The following BICDL1 variants were observed in gnomAD, a reference collection of about 807,000 sequenced individuals.
BICDL1 encodes the protein BICD family-like cargo adapter 1.
A neutral mutation model predicts 76.8 loss-of-function variants in BICDL1; 20 were observed. The observed-to-expected ratio is 0.26, with a 90% CI of 0.18 to 0.38. The LOEUF (loss-of-function observed/expected upper bound fraction) is 0.38. BICDL1 is among the 10% of genes least tolerant of loss of function. BICDL1 has a pLI of 1.00. For synonymous variants in BICDL1, 383 were observed against 337.1 expected (o/e 1.14, Z -1.49); for missense variants, 700 against 798.6 (o/e 0.88, Z 1.49).
chr12:120,032,745 ATTT>A (rs35727779), intron 2 of BICDL1, among the ~76,000 whole-genome samples: 3 of 124,474 alleles, frequency 2.4e-5, no homozygotes, highest in Non-Finnish European at 1.6e-5. Flanking sequence ...TACATCTATA[ATTT>A]TTTTTTTTTT....
At chr12:119,998,435 A>C in intron 1 of BICDL1, 86 bp from the exon 2 acceptor site, 1 of 1,244,744 alleles carries the variant, frequency 8.0e-7, no homozygotes, top group Non-Finnish European at 1.1e-6. Context: ...TGACTAGGAA[A>C]AAGAAAAGTT....
intron 4 of BICDL1, among the ~76,000 whole-genome samples, chr12:120,069,504 C>A (rs1872925630): frequency 6.6e-6 from 1 of 152,186 alleles, no homozygotes; most frequent in Non-Finnish European, 1.5e-5. Flanking sequence ...TCCAGTTCTG[C>A]TTCACAAGGG....
At chr12:120,083,364 C>G (rs992691713) in intron 8 of BICDL1, among the ~76,000 whole-genome samples, 1 of 151,510 alleles carries the variant, frequency 6.6e-6, no homozygotes, top group Non-Finnish European at 1.5e-5. Flanking sequence ...TGGAGCAATC[C>G]TCTCACCTCT....
chr12:120,032,886 A>G (rs1375003783), intron 2 of BICDL1, among the ~76,000 whole-genome samples: 1 of 151,460 alleles, frequency 6.6e-6, no homozygotes, highest in Non-Finnish European at 1.5e-5. Context: ...AGCTGGGACT[A>G]TAGGCGGGCA....
chr12:120,061,211 A>T (rs909162456), intron 2 of BICDL1, among the ~76,000 whole-genome samples: 10 of 152,226 alleles, frequency 6.6e-5, no homozygotes, highest in African/African-American at 2.4e-4. Flanking sequence ...GTGGCAAAAA[A>T]TCTTAACAGG....
chr12:120,031,243 G>A (rs1291863776), intron 2 of BICDL1, among the ~76,000 whole-genome samples: 37 of 136,516 alleles, frequency 2.7e-4, no homozygotes, highest in South Asian at 2.3e-3. Flanking sequence ...TTGCTCTGTC[G>A]CCCAGGCTGG....
intron 8 of BICDL1, among the ~76,000 whole-genome samples, chr12:120,086,082 GC>G (rs1349522888): frequency 6.6e-6 from 1 of 151,384 alleles, no homozygotes; most frequent in Admixed American, 6.6e-5. Context: ...GCATGCTCTT[GC>G]CTGCTTTCAA....
chr12:120,038,791 T>C (rs1258732796), intron 2 of BICDL1, among the ~76,000 whole-genome samples: 2 of 152,196 alleles, frequency 1.3e-5, no homozygotes, highest in Non-Finnish European at 2.9e-5. Context: ...TTCAGTTTCC[T>C]CATCTAAAGA....
intron 2 of BICDL1, among the ~76,000 whole-genome samples, chr12:120,048,231 A>G (rs1952785996): frequency 6.6e-6 from 1 of 151,562 alleles, no homozygotes; most frequent in African/African-American, 2.4e-5. Flanking sequence ...CTCAGGCTGG[A>G]GTACAGAAGC....
At chr12:119,998,840 G>A in intron 2 of BICDL1, 104 bp downstream of exon 2, 1 of 1,137,000 alleles carries the variant, frequency 8.8e-7, no homozygotes, top group South Asian at 1.5e-5. Flanking sequence ...AGGCCAAGGT[G>A]GGAGAAGCAC....
At chr12:120,044,659 A>G (rs1327199663) in intron 2 of BICDL1, among the ~76,000 whole-genome samples, 1 of 152,224 alleles carries the variant, frequency 6.6e-6, no homozygotes, top group Non-Finnish European at 1.5e-5. Context: ...TTTATTAAAT[A>G]GGGAATCCTT....
At chr12:120,018,246 C>G (rs1375832401) in intron 2 of BICDL1, among the ~76,000 whole-genome samples, 1 of 152,182 alleles carries the variant, frequency 6.6e-6, no homozygotes, top group African/African-American at 2.4e-5. Flanking sequence ...AATGTGTAGG[C>G]AAAGATGAGA....
In BICDL1 at chr12:120,061,690, G is replaced by T; in HGVS notation, c.646-20G>T. 6.5e-7 allele frequency: 1 copy of T among 1,542,670 alleles called. No individual in the cohort carries two copies. The highest frequency in any genetic ancestry group is 9.0e-7 in the Non-Finnish European group (1 of 1,114,680). On this transcript the variant is annotated intron_variant, in intron 2 of 9. Coordinates refer to ENST00000548673, the MANE Select transcript of BICDL1 (RefSeq NM_001367886.1). Reference sequence around the variant, plus strand: ...TTTGCATAACCTCCGAATCAGCTCTGCAGGTCTCCTCTGTTTCAGGCATCA... The same window carrying T: ...TTTGCATAACCTCCGAATCAGCTCTTCAGGTCTCCTCTGTTTCAGGCATCA...
chr12:120,071,513 AT>A lies in BICDL1; in HGVS notation c.910-104del. The A allele has an allele frequency of 6.5e-6, 9 of 1,386,144 alleles. No homozygotes were observed. Among genetic ancestry groups the A allele is most frequent in the Non-Finnish European group, 8.6e-6 (9 of 1,051,858 alleles). 85.9% of individuals were successfully genotyped at this position (1,386,144 alleles called of 1,614,324 possible). On this transcript the variant is annotated intron_variant, in intron 4 of 9. Coordinates refer to ENST00000548673, the MANE Select transcript of BICDL1 (RefSeq NM_001367886.1). This position sits in a 1 kb window ranked among gnomAD's most constrained non-coding sequence, Gnocchi z 4.8. ...TTTAACATGTTCTTCTCTCCTATTT[AT>A]TTTTCTATAAATTGGTGGTTGGATC...
chr12:120,055,186 A>G (rs1952948713), intron 2 of BICDL1, among the ~76,000 whole-genome samples: 1 of 152,246 alleles, frequency 6.6e-6, no homozygotes, highest in Non-Finnish European at 1.5e-5. Context: ...TTATTCAGGC[A>G]AAATATTAAA....
Position 120,021,936 on chromosome 12 carries a change from A to T in BICDL1, c.645+23200A>T, listed in dbSNP as rs192486221. ...AATAAAATAAAATAAAATAAATAAA[A>T]AAATAAAATAATAAAAATAAAATAA... is the stretch of plus-strand genomic sequence containing the variant. On this transcript the variant is annotated intron_variant, in intron 2 of 9. Coordinates refer to ENST00000548673, the MANE Select transcript of BICDL1 (RefSeq NM_001367886.1). Among the ~76,000 whole-genome samples the T allele has an allele frequency of 3.6e-3, 533 of 149,430 alleles. 1 individual carries two copies. Among genetic ancestry groups the T allele is most frequent in the African/African-American group, 0.011 (472 of 41,240 alleles).
chr12:120,009,357 A>C (rs997992377), intron 2 of BICDL1, among the ~76,000 whole-genome samples: 1 of 152,172 alleles, frequency 6.6e-6, no homozygotes, highest in African/African-American at 2.4e-5. Flanking sequence ...TGTGTGGGCT[A>C]CAAGTATCTA....
chr12:119,989,962 G>T lies in BICDL1; in HGVS notation c.94G>T (p.Asp32Tyr). Residue 32 changes from aspartate to tyrosine, a missense_variant, in exon 1 of 10, where the codon GAC (aspartate) becomes TAC (tyrosine). Physicochemically the swap from Asp to Tyr is radical, Grantham distance 160. Transcript: ENST00000548673. ...CCMELPAAAG[D>Y]AVRSPAAAAA... ...CATGGAGCTGCCCGCCGCGGCCGGG[G>T]ACGCAGTCCGGAGTCCCGCCGCCGC... The T allele has an allele frequency of 1.4e-6, 2 of 1,465,816 alleles. No homozygotes were observed. The highest frequency in any genetic ancestry group is 1.8e-6 in the Non-Finnish European group (2 of 1,123,512). 90.8% of individuals were successfully genotyped at this position (1,465,816 alleles called of 1,614,324 possible).
intron 2 of BICDL1, among the ~76,000 whole-genome samples, chr12:120,031,012 C>T (rs1384865498): frequency 6.6e-6 from 1 of 152,098 alleles, no homozygotes; most frequent in Non-Finnish European, 1.5e-5. Context: ...TTTTGGTTTT[C>T]ATAAATTCAA....
Sources: allele counts gnomAD v4.1 joint callset (sites outside exome capture counted in the v4.1 genomes callset), GRCh38; gene constraint gnomAD v4.1.1; non-coding constraint Gnocchi (gnomAD v3.1); transcripts MANE v1.5; gene names NCBI Gene and HGNC (gene_info 2026-07-23, HGNC 2026-07-21).